The following NUP133 variants were observed in gnomAD, a reference collection of about 807,000 sequenced individuals.
The protein encoded by NUP133 is nuclear pore complex protein Nup133.
In NUP133, 66 loss-of-function variants were observed where a neutral mutation model predicts 146.2. That is an observed-to-expected ratio of 0.45 (90% CI 0.37 to 0.55). The LOEUF is 0.55. Ranked by LOEUF, NUP133 falls within the 20% of genes least tolerant of loss-of-function variation. The pLI is 0.00. For synonymous variants in NUP133, 521 were observed against 498.8 expected, an observed-to-expected ratio of 1.04 and a Z score of -0.59; for missense variants, 1,277 against 1,374.8, an observed-to-expected ratio of 0.93 and a Z score of 1.12.
intron 25 of NUP133, among the ~76,000 whole-genome samples, chr1:229,443,914 TTTTTA>T (rs1349094830): frequency 7.3e-6 from 1 of 137,188 alleles, no homozygotes; most frequent in Non-Finnish European, 1.5e-5. Context: ...TTTTTTTTTT[TTTTTA>T]AAATAGGGAC....
In NUP133 at chr1:229,508,060, T is replaced by C. The variant is rs896980390; in HGVS notation, c.182+8A>G. 1 of 1,477,372 alleles carries C rather than the reference T, an allele frequency of 6.8e-7. No individual in the cohort carries two copies. The highest frequency in any genetic ancestry group is 1.4e-5 in the African/African-American group (1 of 69,250). 91.5% of individuals were successfully genotyped at this position (1,477,372 alleles called of 1,614,324 possible). On this transcript the variant is annotated splice_region_variant and intron_variant, in intron 1 of 25. Coordinates refer to ENST00000261396, the MANE Select transcript of NUP133 (RefSeq NM_018230.3). The stretch of plus-strand genomic sequence containing the variant: ...TGGTTGCCAGACCCAACCAGGGAGA[T>C]CACTTACCGCGAGCTTAGCGAGCTA...
intron 8 of NUP133, among the ~76,000 whole-genome samples, chr1:229,493,645 A>G (rs572706344): frequency 3.1e-4 from 47 of 152,336 alleles, no homozygotes; most frequent in Non-Finnish European, 5.0e-4. Context: ...AGAACATAAT[A>G]GAGTACTAAC....
At position 229,508,261 on chromosome 1, in the gene NUP133, G is replaced by A; in HGVS notation, c.-12C>T. 1 of 1,490,794 alleles carries A rather than the reference G, an allele frequency of 6.7e-7. No individual in the cohort carries two copies. The highest frequency in any genetic ancestry group is 8.9e-7 in the Non-Finnish European group (1 of 1,119,794). The allele number at this position is 1,490,794 out of a possible 1,614,324, so 92.3% of individuals were successfully genotyped here. ...GCGGCTGGGAACATGACTCCAAGGAGCAGCGACTAGGACAGCGAGGGATCT... is the reference window on the plus strand; with the variant it reads ...GCGGCTGGGAACATGACTCCAAGGAACAGCGACTAGGACAGCGAGGGATCT... On this transcript the variant is annotated 5_prime_UTR_variant, in exon 1 of 26. Coordinates refer to ENST00000261396, the MANE Select transcript of NUP133 (RefSeq NM_018230.3).
At chr1:229,467,875 A>T (rs984481985) in intron 15 of NUP133, among the ~76,000 whole-genome samples, 1 of 150,916 alleles carries the variant, frequency 6.6e-6, no homozygotes, top group Non-Finnish European at 1.5e-5. Context: ...CGGTGAGCAG[A>T]GATTGTGTCA....
At position 229,499,758 on chromosome 1, in the gene NUP133, C is replaced by A; in HGVS notation, c.574G>T (p.Gly192Cys). 1.2e-6 allele frequency: 2 copies of A among 1,614,124 alleles called. No homozygotes were observed. Among genetic ancestry groups the A allele is most frequent in the Non-Finnish European group, 1.7e-6 (2 of 1,179,996 alleles). The change falls in exon 5 of 26, where the codon GGT becomes TGT. Residue 192 changes from glycine (G) to cysteine (C), a missense_variant. By Grantham distance (159) the Gly-to-Cys change is radical (BLOSUM62 -3). This residue lies in a region of NUP133 where 319 missense variants were observed against 306.9 expected (regional missense o/e 1.04). Coordinates refer to ENST00000261396, the MANE Select transcript of NUP133 (RefSeq NM_018230.3). Reference protein sequence around the residue: ...GSIRYWPSLAGEDTYTEAFVD... With the variant: ...GSIRYWPSLACEDTYTEAFVD... Reference sequence around the variant, plus strand: ...AAAGCCTCTGTGTAGGTATCTTCACCAGCAAGGCTTGGCCAATAGCGGATA... The same window carrying A: ...AAAGCCTCTGTGTAGGTATCTTCACAAGCAAGGCTTGGCCAATAGCGGATA...
chr1:229,491,212 A>G (rs1359106408), intron 8 of NUP133, among the ~76,000 whole-genome samples: 1 of 152,218 alleles, frequency 6.6e-6, no homozygotes, highest in East Asian at 1.9e-4. Context: ...GGTGAAATAG[A>G]GTAGTTGCAG....
In NUP133 at chr1:229,440,836, G is replaced by A. The variant is rs558912025; in HGVS notation, c.*1068C>T. ...CTCTTCCAAACATACTCAAGGGCTG[G>A]CCTTGCAGCCTGCGGGGGAGACGGC... On this transcript the variant is annotated 3_prime_UTR_variant, in exon 26 of 26. Coordinates refer to ENST00000261396, the MANE Select transcript of NUP133 (RefSeq NM_018230.3). 3 of 152,544 alleles carry A rather than the reference G, an allele frequency of 2.0e-5. No homozygotes were observed. The highest frequency in any genetic ancestry group is 4.4e-5 in the Non-Finnish European group (3 of 68,244). 9.4% of individuals were successfully genotyped at this position (152,544 alleles called of 1,614,324 possible). A position where few individuals can be genotyped will look rare whatever the true frequency, so the allele number is the denominator to read the frequency against.
intron 24 of NUP133, among the ~76,000 whole-genome samples, 174 bp from the exon 25 acceptor site, chr1:229,445,176 C>T (rs1309925378): frequency 2.6e-5 from 4 of 152,140 alleles, no homozygotes; most frequent in Admixed American, 1.3e-4. Flanking sequence ...AATACCCTGA[C>T]AGTTTCTACA....
chr1:229,495,548 A>G lies in NUP133; in HGVS notation c.993T>C (p.Tyr331=), dbSNP rs1396491777. 3.1e-6 allele frequency: 5 copies of G among 1,609,884 alleles called. No individual in the cohort carries two copies. Among genetic ancestry groups the G allele is most frequent in the Non-Finnish European group, 4.2e-6 (5 of 1,176,702 alleles). The change falls in exon 8 of 26, where the codon TAT becomes TAC. Residue 331 remains tyrosine, a synonymous_variant. Coordinates refer to ENST00000261396, the MANE Select transcript of NUP133 (RefSeq NM_018230.3). ...TDAIWGSESN[Y]EAIKEGVNIR... ...TGTTGACTCCTTCTTTAATAGCTTC[A>G]TAGTTACTTTCAGATCCCTACATGA...
At chr1:229,472,318 CAAA>C (rs67522726) in intron 14 of NUP133, among the ~76,000 whole-genome samples, 9 of 83,502 alleles carry the variant, frequency 1.1e-4, no homozygotes, top group African/African-American at 2.0e-4. Context: ...GACTCCGTCT[CAAA>C]AAAAAAAAAA....
intron 5 of NUP133, among the ~76,000 whole-genome samples, chr1:229,498,648 T>C (rs907224993): frequency 6.6e-6 from 1 of 151,664 alleles, no homozygotes; most frequent in African/African-American, 2.4e-5. Context: ...CCCAGCCACT[T>C]GGGAGGCAGA....
At chr1:229,493,961 T>C (rs1345429795) in intron 8 of NUP133, among the ~76,000 whole-genome samples, 4 of 151,994 alleles carry the variant, frequency 2.6e-5, no homozygotes, top group African/African-American at 9.7e-5. Context: ...TGAAAACCTG[T>C]CTCTACTAAA....
At chr1:229,495,647 A>C in intron 7 of NUP133, 82 bp from the exon 8 acceptor site, 1 of 1,076,654 alleles carries the variant, frequency 9.3e-7, no homozygotes, top group Non-Finnish European at 1.4e-6. Context: ...TACCTAGTGA[A>C]GTGCTTCACC....
chr1:229,452,493 G>T, intron 22 of NUP133, 32 bp downstream of exon 22: 1 of 1,544,246 alleles, frequency 6.5e-7, no homozygotes. Flanking sequence ...TTGAGTTTAA[G>T]AAATAGCGTT....
chr1:229,505,711 A>G lies in NUP133; in HGVS notation c.301+329T>C, dbSNP rs145295672. On this transcript the variant is annotated intron_variant, in intron 2 of 25. Coordinates refer to ENST00000261396, the MANE Select transcript of NUP133 (RefSeq NM_018230.3). ...AGACCAGCCTGGCCAACATGGTGAA[A>G]CCCTGTCTCTACTAAAAATACAAAA... Among the ~76,000 whole-genome samples, 1,389 of 152,070 alleles carry G rather than the reference A, an allele frequency of 9.1e-3. 20 individuals are homozygous for G. Among genetic ancestry groups the G allele is most frequent in the African/African-American group, 0.032 (1,313 of 41,476 alleles).
intron 13 of NUP133, among the ~76,000 whole-genome samples, chr1:229,477,040 C>T (rs759260561): frequency 5.9e-5 from 9 of 151,808 alleles, no homozygotes; most frequent in Non-Finnish European, 1.3e-4. Flanking sequence ...CTAAGTAAGG[C>T]AATTAATCTG....
chr1:229,486,851 T>C (rs1039479886), intron 10 of NUP133, among the ~76,000 whole-genome samples: 4 of 149,500 alleles, frequency 2.7e-5, no homozygotes, highest in Non-Finnish European at 4.4e-5. Context: ...TTCAATCCTG[T>C]GGAGTTCTCT....
intron 12 of NUP133, among the ~76,000 whole-genome samples, chr1:229,479,033 CCTGCAGTCAA>C (rs1202770860): frequency 3.3e-5 from 5 of 152,282 alleles, no homozygotes; most frequent in African/African-American, 1.2e-4. Context: ...GTCACAGTTA[CCTGCAGTCAA>C]CTGCAGTCTG....
chr1:229,484,995 A>G (rs997724050), intron 11 of NUP133, among the ~76,000 whole-genome samples: 30 of 152,180 alleles, frequency 2.0e-4, no homozygotes, highest in African/African-American at 7.2e-4. Flanking sequence ...TATATATTTC[A>G]TACACTATTC....
Sources: allele counts gnomAD v4.1 joint callset (sites outside exome capture counted in the v4.1 genomes callset), GRCh38; gene constraint gnomAD v4.1.1; regional missense constraint gnomAD v4.1.1; transcripts MANE v1.5; gene names NCBI Gene and HGNC (gene_info 2026-07-23, HGNC 2026-07-21).